Variants in KYAT1 observed in about 807,000 individuals in gnomAD.
The protein encoded by KYAT1 is kynurenine aminotransferase 1, also known as kynurenine--oxoglutarate transaminase 1.
KYAT1 carries 47 observed loss-of-function variants against 52.4 expected under a neutral mutation model. That is an observed-to-expected ratio of 0.90 (90% CI 0.71 to 1.14). The LOEUF (loss-of-function observed/expected upper bound fraction) is 1.14, where lower values mean the gene tolerates loss of function less well. Ranked by LOEUF, KYAT1 falls within the 50% of genes most tolerant of loss-of-function variation. The pLI is 0.00. For missense variants in KYAT1, 480 were observed against 557.9 expected, an observed-to-expected ratio of 0.86 and a Z score of 1.41; for synonymous variants, 212 against 209.6, an observed-to-expected ratio of 1.01 and a Z score of -0.10.
chr9:128,846,807 A>G, intron 1 of KYAT1: 1 of 1,535,622 alleles, frequency 6.5e-7, no homozygotes, highest in Non-Finnish European at 8.7e-7. Context: ...TGCCAGTCCC[A>G]GATGGCTGGT....
intron 1 of KYAT1, among the ~76,000 whole-genome samples, chr9:128,855,008 T>C (rs1211051564): frequency 6.6e-6 from 1 of 152,164 alleles, no homozygotes; most frequent in African/African-American, 2.4e-5. Context: ...GGGTCACAAA[T>C]GAATAATTTA....
chr9:128,847,809 A>G (rs1833356983), intron 1 of KYAT1, among the ~76,000 whole-genome samples: 1 of 152,144 alleles, frequency 6.6e-6, no homozygotes, highest in African/African-American at 2.4e-5. Flanking sequence ...CCCTTTCAAA[A>G]CACAAATCAC....
intron 1 of KYAT1, among the ~76,000 whole-genome samples, chr9:128,848,411 T>C (rs1188076613): frequency 1.3e-5 from 2 of 148,832 alleles, no homozygotes; most frequent in Non-Finnish European, 3.0e-5. Flanking sequence ...AATGCAAACA[T>C]ACAGGAACCA....
chr9:128,860,718 A>G (rs1287558890), intron 1 of KYAT1, among the ~76,000 whole-genome samples: 1 of 151,906 alleles, frequency 6.6e-6, no homozygotes, highest in African/African-American at 2.4e-5. Flanking sequence ...GCATTCCACC[A>G]TGCCTGGCTA....
chr9:128,856,544 T>C (rs1371399493), intron 1 of KYAT1, among the ~76,000 whole-genome samples: 1 of 152,220 alleles, frequency 6.6e-6, no homozygotes, highest in Non-Finnish European at 1.5e-5. Flanking sequence ...CCTTGAACAA[T>C]TGCTTTGCTG....
intron 1 of KYAT1, 109 bp from the exon 2 acceptor site, chr9:128,845,520 G>T: frequency 1.0e-6 from 1 of 997,660 alleles, no homozygotes; most frequent in Non-Finnish European, 1.5e-6. Context: ...CATCCTGTCT[G>T]CTCCCAGGAG....
In KYAT1 at chr9:128,833,617, G is replaced by C. The variant is rs768364741; in HGVS notation, c.1236C>G (p.Asp412Glu). The change falls in exon 13 of 13, where the codon GAC becomes GAG. Residue 412 changes from aspartate (D) to glutamate (E), a missense_variant. Coordinates refer to ENST00000302586, the MANE Select transcript of KYAT1 (RefSeq NM_004059.5). Reference protein sequence around the residue: ...VKDEATLQAMDEKLRKWKVEL With the variant: ...VKDEATLQAMEEKLRKWKVEL ...CCACCTTCCACTTCCGCAGCTTCTC[G>C]TCCATGGCCTGGAGCGTGGCTTCAT... 2 of 1,614,176 alleles carry C rather than the reference G, an allele frequency of 1.2e-6. No individual in the cohort carries two copies. Among genetic ancestry groups the C allele is most frequent in the Non-Finnish European group, 1.7e-6 (2 of 1,180,040 alleles).
intron 1 of KYAT1, among the ~76,000 whole-genome samples, chr9:128,870,099 T>C (rs1239252722): frequency 6.6e-6 from 1 of 152,078 alleles, no homozygotes; most frequent in African/African-American, 2.4e-5. Flanking sequence ...AATATAGAAG[T>C]ACCTTACAAC....
intron 1 of KYAT1, among the ~76,000 whole-genome samples, chr9:128,878,868 C>T (rs1485122610): frequency 3.3e-5 from 5 of 152,104 alleles, no homozygotes; most frequent in African/African-American, 1.2e-4. Context: ...GATAGCCTCG[C>T]GGGAGCCTTG....
At chr9:128,836,094 C>T in intron 7 of KYAT1, 21 bp from the exon 8 acceptor site, 1 of 1,611,314 alleles carries the variant, frequency 6.2e-7, no homozygotes, top group Non-Finnish European at 8.5e-7. Context: ...CCGAACAGAA[C>T]AGCTGCTGAG....
Position 128,869,965 on chromosome 9 carries a change from G to A in KYAT1, c.-7+11932C>T, listed in dbSNP as rs149576160. On this transcript the variant is annotated intron_variant, in intron 1 of 12. Transcript: ENST00000302586. ...GACAGGGTTTCGCCATGTTGGCCAG[G>A]CTGGTCTTGAAATCCTGACCTCAGG... Among the ~76,000 whole-genome samples the A allele has an allele frequency of 4.1e-3, 620 of 152,114 alleles. 6 individuals carry two copies. The highest frequency in any genetic ancestry group is 0.014 in the African/African-American group (586 of 41,500).
chr9:128,844,788 C>T (rs1832811335), intron 2 of KYAT1, among the ~76,000 whole-genome samples: 1 of 152,096 alleles, frequency 6.6e-6, no homozygotes, highest in Non-Finnish European at 1.5e-5. Flanking sequence ...CATTTGAACC[C>T]AGGAGGCAGA....
intron 1 of KYAT1, chr9:128,846,712 C>G: frequency 2.6e-6 from 4 of 1,533,660 alleles, no homozygotes; most frequent in Non-Finnish European, 3.5e-6. Flanking sequence ...GGTAATTTGG[C>G]TCCTCCTGTC....
intron 7 of KYAT1, 151 bp from the exon 8 acceptor site, chr9:128,836,224 C>CTTCCT: frequency 1.8e-6 from 1 of 545,090 alleles, no homozygotes; most frequent in Non-Finnish European, 3.2e-6. Context: ...TTCTTTCTTT[C>CTTCCT]TTCCTTTCCT....
intron 1 of KYAT1, among the ~76,000 whole-genome samples, chr9:128,866,123 A>C (rs1040196452): frequency 3.3e-5 from 5 of 152,210 alleles, no homozygotes; most frequent in African/African-American, 1.2e-4. Flanking sequence ...CATGTATACA[A>C]GGGTGATAGG....
At chr9:128,847,651 T>TAACAAC (rs3834884) in intron 1 of KYAT1, 13,796 of 554,344 alleles carry the variant, frequency 0.025, 186 homozygotes, top group Non-Finnish European at 0.031. Flanking sequence ...GCTCTAACAA[T>TAACAAC]AACAACAACA....
At chr9:128,836,121 C>T (rs750820713) in intron 7 of KYAT1, 48 bp from the exon 8 acceptor site, 25 of 1,578,208 alleles carry the variant, frequency 1.6e-5, no homozygotes, top group Middle Eastern at 1.7e-4. Flanking sequence ...GTGAGGGGGA[C>T]GGGGGAGGAT....
At chr9:128,851,199 G>A (rs764033501) in intron 1 of KYAT1, among the ~76,000 whole-genome samples, 2 of 152,056 alleles carry the variant, frequency 1.3e-5, no homozygotes, top group African/African-American at 2.4e-5. Flanking sequence ...CCCACCTGAC[G>A]AGATATCCCA....
Position 128,835,613 on chromosome 9 carries a change from T to C in KYAT1, c.910A>G (p.Ser304Gly). Residue 304 changes from serine (S) to glycine (G), a missense_variant, in exon 10 of 13, where the codon AGC becomes GGC. Transcript: ENST00000302586. ...REQLLFRQPS[S>G]YFVQFPQAMQ... Reference sequence around the variant, plus strand: ...GCCTGCGGGAACTGCACAAAGTAGCTGCTGGGTTGGCGGAAGAGCAGCTGC... The same window carrying C: ...GCCTGCGGGAACTGCACAAAGTAGCCGCTGGGTTGGCGGAAGAGCAGCTGC... The C allele has an allele frequency of 6.2e-7, 1 of 1,612,604 alleles. No homozygotes were observed. Among genetic ancestry groups the C allele is most frequent in the Non-Finnish European group, 8.5e-7 (1 of 1,180,020 alleles).
Sources: allele counts gnomAD v4.1 joint callset (sites outside exome capture counted in the v4.1 genomes callset), GRCh38; gene constraint gnomAD v4.1.1; transcripts MANE v1.5; gene names NCBI Gene and HGNC (gene_info 2026-07-23, HGNC 2026-07-21).